The following DNM3 variants were observed in gnomAD, a reference collection of about 807,000 sequenced individuals.
DNM3 encodes dynamin-3.
A neutral mutation model predicts 101.6 loss-of-function variants in DNM3; 47 were observed. The ratio of observed to expected loss-of-function variants is 0.46; its 90% CI spans 0.37 to 0.59. The LOEUF is 0.59. Among genes scored for constraint, DNM3 ranks in the 20% least tolerant of loss-of-function variants. The probability of loss-of-function intolerance (pLI) is 0.00; values close to 1 mark genes in which losing one functional copy is unlikely to be tolerated. For missense variants in DNM3, 849 were observed against 1,085.7 expected (o/e 0.78, Z 3.06); for synonymous variants, 385 against 387.9 (o/e 0.99, Z 0.09).
chr1:171,876,066 C>T (rs775210255), intron 1 of DNM3, among the ~76,000 whole-genome samples: 2 of 152,010 alleles, frequency 1.3e-5, no homozygotes, highest in Non-Finnish European at 1.5e-5. Context: ...CCCTCGGCCT[C>T]GCAAAGTCCT....
chr1:171,963,740 T>TTA (rs918971985), intron 2 of DNM3, among the ~76,000 whole-genome samples: 3 of 148,952 alleles, frequency 2.0e-5, no homozygotes, highest in Non-Finnish European at 3.0e-5. Flanking sequence ...TATATAGATA[T>TTA]TATATATATT....
At chr1:171,937,339 T>G (rs1357708673) in intron 2 of DNM3, among the ~76,000 whole-genome samples, 1 of 152,208 alleles carries the variant, frequency 6.6e-6, no homozygotes, top group Non-Finnish European at 1.5e-5. Context: ...CTGAAAACAT[T>G]TCTTCTTAAA....
chr1:172,130,558 A>T (rs1475521684), intron 13 of DNM3, among the ~76,000 whole-genome samples: 2 of 152,218 alleles, frequency 1.3e-5, no homozygotes, highest in Non-Finnish European at 2.9e-5. Flanking sequence ...TTTAAACTTC[A>T]TAGGTTTAAA....
intron 14 of DNM3, among the ~76,000 whole-genome samples, chr1:172,140,818 C>T (rs2148154775): frequency 6.6e-6 from 1 of 152,060 alleles, no homozygotes; most frequent in Admixed American, 6.5e-5. Context: ...AACTATGTGA[C>T]ATATGCACAC....
At chr1:171,965,146 A>T (rs2043482459) in intron 2 of DNM3, among the ~76,000 whole-genome samples, 1 of 149,662 alleles carries the variant, frequency 6.7e-6, no homozygotes, top group East Asian at 2.2e-4. Flanking sequence ...CTAGGGGTTC[A>T]CATGCAAATT....
intron 9 of DNM3, among the ~76,000 whole-genome samples, chr1:172,045,872 G>A (rs2049752844): frequency 6.6e-6 from 1 of 152,196 alleles, no homozygotes; most frequent in South Asian, 2.1e-4. Flanking sequence ...GCTTGACACT[G>A]AGTTTGCATG....
At chr1:172,088,284 A>G (rs1415407106) in intron 12 of DNM3, among the ~76,000 whole-genome samples, 6 of 152,208 alleles carry the variant, frequency 3.9e-5, no homozygotes, top group African/African-American at 1.4e-4. Flanking sequence ...GTTTCTAAAA[A>G]GGCATAATTC....
chr1:172,233,952 C>T (rs1395471411), intron 14 of DNM3, among the ~76,000 whole-genome samples: 6 of 152,170 alleles, frequency 3.9e-5, no homozygotes, highest in Non-Finnish European at 7.3e-5. Flanking sequence ...TGGGCAAAAA[C>T]TGGAAGCATT....
At chr1:172,343,410 C>T (rs538014565) in intron 17 of DNM3, among the ~76,000 whole-genome samples, 1 of 151,918 alleles carries the variant, frequency 6.6e-6, no homozygotes, top group South Asian at 2.1e-4. Context: ...AGTAAAATTC[C>T]AGCTGTCCTT....
chr1:172,026,315 A>C (rs1323243799), intron 4 of DNM3, among the ~76,000 whole-genome samples: 1 of 152,184 alleles, frequency 6.6e-6, no homozygotes, highest in Non-Finnish European at 1.5e-5. Flanking sequence ...ATGTGAAAAG[A>C]CCAAGCCTGC....
intron 17 of DNM3, among the ~76,000 whole-genome samples, chr1:172,355,661 T>C (rs1022691608): frequency 3.9e-5 from 6 of 152,162 alleles, no homozygotes; most frequent in Non-Finnish European, 8.8e-5. Flanking sequence ...GTACAGTTGG[T>C]TCTCATGAGC....
chr1:172,023,590 T>C (rs1296950686), intron 4 of DNM3, among the ~76,000 whole-genome samples: 1 of 152,166 alleles, frequency 6.6e-6, no homozygotes, highest in African/African-American at 2.4e-5. Context: ...TTAGTATCTT[T>C]TATCAGTTCC....
At chr1:171,980,376 T>C (rs954953720) in intron 2 of DNM3, among the ~76,000 whole-genome samples, 1 of 152,194 alleles carries the variant, frequency 6.6e-6, no homozygotes, top group Non-Finnish European at 1.5e-5. Flanking sequence ...TTTCAGTATA[T>C]ATATACCATG....
intron 1 of DNM3, among the ~76,000 whole-genome samples, chr1:171,908,155 A>C (rs1452947062): frequency 6.6e-6 from 1 of 152,192 alleles, no homozygotes; most frequent in Non-Finnish European, 1.5e-5. Flanking sequence ...TACAAAATTT[A>C]TTTCACAACT....
At chr1:171,973,629 A>G (rs1016415993) in intron 2 of DNM3, among the ~76,000 whole-genome samples, 1 of 151,978 alleles carries the variant, frequency 6.6e-6, no homozygotes, top group African/African-American at 2.4e-5. Flanking sequence ...GTCTTGTGAT[A>G]AAGAAATTGC....
At chr1:172,194,975 G>C (rs1303157268) in intron 14 of DNM3, among the ~76,000 whole-genome samples, 1 of 152,010 alleles carries the variant, frequency 6.6e-6, no homozygotes, top group Non-Finnish European at 1.5e-5. Flanking sequence ...TCTACCATTT[G>C]GCATGTTTTT....
intron 12 of DNM3, among the ~76,000 whole-genome samples, chr1:172,089,949 T>C (rs146339561): frequency 6.6e-6 from 1 of 152,214 alleles, no homozygotes; most frequent in African/African-American, 2.4e-5. Context: ...GACACACATA[T>C]ACACATTTTA....
intron 16 of DNM3, among the ~76,000 whole-genome samples, chr1:172,319,019 G>T (rs866833509): frequency 8.1e-4 from 123 of 152,004 alleles, no homozygotes; most frequent in Admixed American, 2.0e-3. Context: ...AAAACAGCAT[G>T]GTACTGGTAC....
chr1:172,044,555 G>A (rs1372331994), intron 9 of DNM3, 103 bp downstream of exon 9: 9 of 906,314 alleles, frequency 9.9e-6, no homozygotes, highest in Middle Eastern at 2.2e-4. Flanking sequence ...GAATAGGGTA[G>A]AATACAGAGG....
Sources: gnomAD v4.1 joint callset for allele counts (sites outside exome capture counted in the v4.1 genomes callset) on GRCh38, gnomAD v4.1.1 for gene constraint, MANE v1.5 for transcripts, NCBI Gene and HGNC (gene_info 2026-07-23, HGNC 2026-07-21) for gene names.